The following ALG6 variants were observed in gnomAD, a reference collection of about 807,000 sequenced individuals.
ALG6 encodes ALG6 alpha-1,3-glucosyltransferase, also known as dolichyl pyrophosphate Man9GlcNAc2 alpha-1,3-glucosyltransferase.
In ALG6, 46 loss-of-function variants were observed where a neutral mutation model predicts 66.6. That is an observed-to-expected ratio of 0.69 (90% CI 0.55 to 0.88). The LOEUF is 0.88. Ranked by LOEUF, ALG6 falls within the 40% of genes least tolerant of loss-of-function variation. The pLI, the probability that ALG6 is intolerant of heterozygous loss-of-function variation, is 0.00. For synonymous variants in ALG6, 185 were observed against 203.7 expected (o/e 0.91, Z 0.78); for missense variants, 505 against 586.8 (o/e 0.86, Z 1.44).
At chr1:63,419,471 T>C in intron 12 of ALG6, 31 bp downstream of exon 12, 1 of 1,457,944 alleles carries the variant, frequency 6.9e-7, no homozygotes, top group Non-Finnish European at 9.6e-7. Context: ...TATGTGTTTA[T>C]TTGTTTATAA....
At chr1:63,416,490 T>C (rs571869603) in intron 11 of ALG6, among the ~76,000 whole-genome samples, 1 of 152,238 alleles carries the variant, frequency 6.6e-6, no homozygotes, top group African/African-American at 2.4e-5. Flanking sequence ...GAATAGCTAT[T>C]AAACAATATA....
At chr1:63,426,845 A>G (rs1196986791) in intron 12 of ALG6, among the ~76,000 whole-genome samples, 1 of 152,176 alleles carries the variant, frequency 6.6e-6, no homozygotes, top group Non-Finnish European at 1.5e-5. Flanking sequence ...CGCCGGCTGT[A>G]ATACATTTTT....
rs1553155036 is a variant in ALG6, at chr1:63,400,206, A to AAT, written c.168-2034_168-2033dup. 1.1e-4 allele frequency among the ~76,000 whole-genome samples: 4 copies of AAT among 36,430 alleles called. 1 individual carries two copies. The highest frequency in any genetic ancestry group is 1.1e-3 in the East Asian group (1 of 942). 23.9% of individuals were successfully genotyped at this position (36,430 alleles called of 152,430 possible). A position where few individuals can be genotyped will look rare whatever the true frequency, so the allele number is the denominator to read the frequency against. Reference sequence around the variant, plus strand: ...CAAAACTCTGTCTCAAAAAAAAAAAAATATATATATATATACGTATATATA... The same window carrying AAT: ...CAAAACTCTGTCTCAAAAAAAAAAAAATATATATATATATATACGTATATATA... On this transcript the variant is annotated intron_variant, in intron 3 of 14. Coordinates refer to ENST00000263440, the MANE Select transcript of ALG6 (RefSeq NM_013339.4).
intron 7 of ALG6, among the ~76,000 whole-genome samples, chr1:63,410,860 A>G (rs1373353536): frequency 6.6e-6 from 1 of 152,214 alleles, no homozygotes; most frequent in Non-Finnish European, 1.5e-5. Context: ...AAACAAAGCT[A>G]TGTTTTAAAT....
At chr1:63,408,149 T>A (rs1557590302) in intron 7 of ALG6, among the ~76,000 whole-genome samples, 2 of 152,146 alleles carry the variant, frequency 1.3e-5, no homozygotes, top group African/African-American at 4.8e-5. Context: ...AAAACTACCC[T>A]TGTACACCTC....
intron 12 of ALG6, among the ~76,000 whole-genome samples, chr1:63,424,774 A>AT (rs146137714): frequency 0.039 from 4,447 of 113,960 alleles, 304 homozygotes; most frequent in African/African-American, 0.13. Context: ...TTTTGAGTTA[A>AT]TTTTTTTTTT....
chr1:63,421,172 T>C (rs1644571116), intron 12 of ALG6, among the ~76,000 whole-genome samples: 1 of 152,046 alleles, frequency 6.6e-6, no homozygotes, highest in South Asian at 2.1e-4. Flanking sequence ...GGTTGCAATT[T>C]TATTTTATTT....
chr1:63,406,239 T>A, intron 5 of ALG6, 78 bp from the exon 6 acceptor site: 1 of 1,254,664 alleles, frequency 8.0e-7, no homozygotes, highest in Non-Finnish European at 1.2e-6. Context: ...TTCTCAATGT[T>A]GGAGGAAGGG....
Position 63,400,339 on chromosome 1 carries a change from ATATATATATG to A in ALG6, c.168-1905_168-1896del, listed in dbSNP as rs1644456821. On this transcript the variant is annotated intron_variant, in intron 3 of 14. Transcript: ENST00000263440. ...TATATACGTATATATATATATACGT[ATATATATATG>A]TATATATATATGTATATATATGTAT... 1.5e-4 allele frequency among the ~76,000 whole-genome samples: 6 copies of A among 38,712 alleles called. 1 individual carries two copies. In the South Asian group the frequency reaches 3.1e-3, roughly 20 times the overall value. The allele number at this position is 38,712 out of a possible 152,430, so 25.4% of individuals were successfully genotyped here. A position where few individuals can be genotyped will look rare whatever the true frequency, so the allele number is the denominator to read the frequency against.
chr1:63,401,892 A>G (rs1161677374), intron 3 of ALG6, among the ~76,000 whole-genome samples: 1 of 152,206 alleles, frequency 6.6e-6, no homozygotes, highest in African/African-American at 2.4e-5. Flanking sequence ...AGAGGAGCCT[A>G]TCAATTTGTG....
intron 11 of ALG6, among the ~76,000 whole-genome samples, chr1:63,418,310 AT>A (rs1317979235): frequency 2.4e-4 from 36 of 147,890 alleles, no homozygotes; most frequent in Non-Finnish European, 6.0e-5. Flanking sequence ...AAATTATTAA[AT>A]TATTAAATAA....
chr1:63,396,392 C>A, intron 2 of ALG6, 121 bp from the exon 3 acceptor site: 1 of 825,734 alleles, frequency 1.2e-6, no homozygotes, highest in Non-Finnish European at 2.0e-6. Context: ...TTCTCGGTAA[C>A]TCCTGTGTTC....
intron 12 of ALG6, among the ~76,000 whole-genome samples, chr1:63,422,309 ATATC>A (rs1344982135): frequency 2.0e-4 from 17 of 84,876 alleles, no homozygotes; most frequent in Non-Finnish European, 3.1e-4. Flanking sequence ...ATATAAATAT[ATATC>A]TATATATGAA....
chr1:63,421,035 T>G (rs1644570327), intron 12 of ALG6, among the ~76,000 whole-genome samples: 1 of 151,716 alleles, frequency 6.6e-6, no homozygotes, highest in Non-Finnish European at 1.5e-5. Flanking sequence ...TAGCTATCAT[T>G]CTTAAAGATA....
Position 63,411,336 on chromosome 1 carries a change from G to C in ALG6, c.680+5G>C. Reference sequence around the variant, plus strand: ...AAAAGGCCTCAAAGGAAAGGGGTGAGTGACTTTTAAACACTAGAATCCAAA... The same window carrying C: ...AAAAGGCCTCAAAGGAAAGGGGTGACTGACTTTTAAACACTAGAATCCAAA... On this transcript the variant is annotated splice_donor_5th_base_variant and intron_variant, in intron 8 of 14. Transcript: ENST00000263440. 6.2e-7 allele frequency: 1 copy of C among 1,613,076 alleles called. No homozygotes were observed. The highest frequency in any genetic ancestry group is 8.5e-7 in the Non-Finnish European group (1 of 1,179,590).
At chr1:63,375,410 A>AG (rs1648089502) in intron 2 of ALG6, among the ~76,000 whole-genome samples, 1 of 77,078 alleles carries the variant, frequency 1.3e-5, no homozygotes, top group South Asian at 5.0e-4. Context: ...CACCCCCGGC[A>AG]TTTTTTTTTT....
rs759859422 is a variant in ALG6, at chr1:63,428,973, T to G, written c.1173T>G (p.Val391=). The change falls in exon 14 of 15, where the codon GTT becomes GTG. Residue 391 remains valine, a synonymous_variant. Coordinates refer to ENST00000263440, the MANE Select transcript of ALG6 (RefSeq NM_013339.4). ...AGGATGAACTCCTAATGCCCTCTGT[T>G]GTGACAACAATGGCATTTTTTATAG... ...LLKDELLMPS[V]VTTMAFFIAC... 2.5e-6 allele frequency: 4 copies of G among 1,613,152 alleles called. No individual in the cohort carries two copies. The East Asian group carries it at 8.9e-5, about 36-fold the overall frequency.
At chr1:63,403,695 C>T (rs1644476519) in intron 4 of ALG6, among the ~76,000 whole-genome samples, 1 of 151,910 alleles carries the variant, frequency 6.6e-6, no homozygotes, top group Admixed American at 6.6e-5. Context: ...TATATCTAGG[C>T]GTATAGCATA....
In ALG6 at chr1:63,433,628, T is replaced by G. The variant is rs147499783; in HGVS notation, c.1327-3195T>G. 4.7e-4 allele frequency among the ~76,000 whole-genome samples: 71 copies of G among 152,326 alleles called. 1 individual carries two copies. The highest frequency in any genetic ancestry group is 1.6e-3 in the African/African-American group (67 of 41,570). ...GTCAAAATCTAGCCCTATTGTGATA[T>G]TCACAATCTGGTCCAGTAATCTTAA... is the stretch of plus-strand genomic sequence containing the variant. On this transcript the variant is annotated intron_variant, in intron 14 of 14. Transcript: ENST00000263440. The surrounding 1 kb of genome is among the most constrained non-coding windows in gnomAD (Gnocchi z 4.2).
Sources: gnomAD v4.1 joint callset for allele counts (sites outside exome capture counted in the v4.1 genomes callset) on GRCh38, gnomAD v4.1.1 for gene constraint, Gnocchi (gnomAD v3.1) non-coding constraint, MANE v1.5 for transcripts, NCBI Gene and HGNC (gene_info 2026-07-23, HGNC 2026-07-21) for gene names.